Variants in FBLN7 observed in about 807,000 individuals in gnomAD.
FBLN7 encodes fibulin-7.
Under a neutral mutation model 44.0 loss-of-function variants are expected in FBLN7, and 31 were observed. The ratio of observed to expected loss-of-function variants is 0.70; its 90% CI spans 0.53 to 0.95. FBLN7 has a LOEUF of 0.95. FBLN7 is among the 40% of genes least tolerant of loss of function. FBLN7 has a pLI of 0.00. For synonymous variants in FBLN7, 262 were observed against 253.4 expected, an observed-to-expected ratio of 1.03 and a Z score of -0.32; for missense variants, 573 against 618.5, an observed-to-expected ratio of 0.93 and a Z score of 0.78.
Position 112,159,805 on chromosome 2 carries a change from G to A in FBLN7, c.205G>A (p.Val69Met). The change falls in exon 2 of 8, where the codon GTG (valine) becomes ATG (methionine). Residue 69 changes from valine to methionine, a missense_variant. Physicochemically the swap from Val to Met is conservative, Grantham distance 21. Coordinates refer to ENST00000331203, the MANE Select transcript of FBLN7 (RefSeq NM_153214.3). ...CCGGCTGGCCGCGCTGCAGAACTCT[G>A]TGGGCAGGGTGGGCCCAGATGCCCT... is the stretch of plus-strand genomic sequence containing the variant. ...KSRLAALQNS[V>M]GRVGPDALPV... is the part of the protein sequence containing the mutation. 1.9e-6 allele frequency: 3 copies of A among 1,574,752 alleles called. No homozygotes were observed. Among genetic ancestry groups the A allele is most frequent in the Admixed American group, 1.9e-5 (1 of 53,432 alleles).
At chr2:112,192,522 G>A (rs1326991283), downstream of FBLN7, among the ~76,000 whole-genome samples, 1 of 152,194 alleles carries the variant, frequency 6.6e-6, no homozygotes, top group African/African-American at 2.4e-5. Flanking sequence ...GCAGTAGAAA[G>A]TTAGCTAGGA....
At chr2:112,161,719 GTTA>G (rs1681880976) in intron 2 of FBLN7, among the ~76,000 whole-genome samples, 1 of 152,244 alleles carries the variant, frequency 6.6e-6, no homozygotes, top group Admixed American at 6.5e-5. Context: ...TAGAAAGGCA[GTTA>G]TTATTACATT....
the FBLN7 span, among the ~76,000 whole-genome samples, chr2:112,235,710 G>C: frequency 6.6e-6 from 1 of 152,080 alleles, no homozygotes; most frequent in Non-Finnish European, 1.5e-5. Flanking sequence ...ACAGACCAAG[G>C]AAAGGGAACT....
chr2:112,159,918 C>G (rs1573786795), intron 2 of FBLN7, 83 bp downstream of exon 2: 1 of 1,252,266 alleles, frequency 8.0e-7, no homozygotes, highest in Non-Finnish European at 1.0e-6. Context: ...GGAGGCCCCT[C>G]GTCACCCCTC....
At position 112,185,215 on chromosome 2, in the gene FBLN7, G is replaced by C. The variant is rs1279377132; in HGVS notation, c.823G>C (p.Val275Leu). 1.9e-6 allele frequency: 3 copies of C among 1,613,700 alleles called. No homozygotes were observed. Among genetic ancestry groups the C allele is most frequent in the Non-Finnish European group, 2.5e-6 (3 of 1,179,664 alleles). The change falls in exon 7 of 8, where the codon GTG becomes CTG. Residue 275 changes from valine to leucine, a missense_variant. Physicochemically the swap from Val to Leu is conservative, Grantham distance 32 (BLOSUM62 1). Coordinates refer to ENST00000331203, the MANE Select transcript of FBLN7 (RefSeq NM_153214.3). ...CTGTATCTCAGATGTGGATGAATGT[G>C]TGGGCCTGCAGCCGGTGTGCCCCCA... is the stretch of plus-strand genomic sequence containing the variant. The part of the protein sequence containing the change: ...GKSCEDVDEC[V>L]GLQPVCPQGT...
At chr2:112,169,584 C>A (rs1682344508) in intron 3 of FBLN7, among the ~76,000 whole-genome samples, 1 of 152,210 alleles carries the variant, frequency 6.6e-6, no homozygotes, top group Non-Finnish European at 1.5e-5. Flanking sequence ...CGTCCCCACC[C>A]TTTATTTTTA....
chr2:112,167,869 C>T (rs937896305), intron 3 of FBLN7, among the ~76,000 whole-genome samples: 14 of 132,930 alleles, frequency 1.1e-4, no homozygotes, highest in African/African-American at 3.8e-4. Flanking sequence ...AGGAAAGACA[C>T]GTTATGTTAT....
At chr2:112,234,291 T>C in the FBLN7 span, 1 of 1,334,860 alleles carries the variant, frequency 7.5e-7, no homozygotes, top group Non-Finnish European at 1.0e-6. Context: ...TTAAATATTT[T>C]ATTCTGTTGC....
intron 1 of FBLN7, among the ~76,000 whole-genome samples, chr2:112,146,718 G>C (rs559331747): frequency 6.6e-6 from 1 of 151,706 alleles, no homozygotes; most frequent in Non-Finnish European, 1.5e-5. Context: ...ATTTCCAGGG[G>C]TTTTTTTACA....
At chr2:112,155,512 A>G (rs1681366846) in intron 1 of FBLN7, among the ~76,000 whole-genome samples, 2 of 152,174 alleles carry the variant, frequency 1.3e-5, no homozygotes, top group African/African-American at 2.4e-5. Flanking sequence ...CTCACCCCAG[A>G]GAGGTTGGAG....
intron 4 of FBLN7, chr2:112,177,680 T>C (rs1682797616): frequency 6.6e-6 from 1 of 152,152 alleles, no homozygotes; most frequent in South Asian, 2.1e-4. Flanking sequence ...TCTGTACCCA[T>C]AACAGGACAA....
At chr2:112,194,495 C>G in the FBLN7 span, among the ~76,000 whole-genome samples, 1 of 152,132 alleles carries the variant, frequency 6.6e-6, no homozygotes, top group South Asian at 2.1e-4. Context: ...GCTCGTGTTA[C>G]TAGCATGAGT....
intron 1 of FBLN7, among the ~76,000 whole-genome samples, chr2:112,149,088 T>C (rs1681019504): frequency 6.6e-6 from 1 of 152,162 alleles, no homozygotes; most frequent in Non-Finnish European, 1.5e-5. Context: ...AGGGTGGTGA[T>C]GGGGAGGTTC....
chr2:112,208,903 G>C, the FBLN7 span, among the ~76,000 whole-genome samples: 4 of 151,982 alleles, frequency 2.6e-5, no homozygotes, highest in African/African-American at 9.7e-5. Context: ...TAACCCTCTG[G>C]ACCTATCTTG....
intron 6 of FBLN7, 102 bp from the exon 7 acceptor site, chr2:112,185,099 G>A: frequency 2.1e-6 from 3 of 1,447,792 alleles, no homozygotes; most frequent in Non-Finnish European, 2.8e-6. Flanking sequence ...CCAGGAGCAG[G>A]GAGCACCACA....
chr2:112,230,739 T>C, the FBLN7 span: 1 of 319,302 alleles, frequency 3.1e-6, no homozygotes, highest in South Asian at 4.5e-5. Flanking sequence ...CAGGCTGATG[T>C]AGATCCATAT....
At chr2:112,222,324 G>C in the FBLN7 span, among the ~76,000 whole-genome samples, 1 of 152,158 alleles carries the variant, frequency 6.6e-6, no homozygotes, top group Non-Finnish European at 1.5e-5. Flanking sequence ...AGTTCAGGTA[G>C]AAGTGGGACC....
the FBLN7 span, among the ~76,000 whole-genome samples, chr2:112,235,636 G>C: frequency 6.4e-4 from 98 of 152,188 alleles, no homozygotes; most frequent in African/African-American, 2.2e-3. Flanking sequence ...TTGCCATCCA[G>C]TTAAAAGCCC....
the FBLN7 span, chr2:112,231,768 A>G: frequency 1.0e-6 from 1 of 954,498 alleles, no homozygotes; most frequent in African/African-American, 1.7e-5. Context: ...TTATCTTCAA[A>G]TTCTCATCCT....
Sources: allele counts gnomAD v4.1 joint callset (sites outside exome capture counted in the v4.1 genomes callset), GRCh38; gene constraint gnomAD v4.1.1; transcripts MANE v1.5; gene names NCBI Gene and HGNC (gene_info 2026-07-23, HGNC 2026-07-21).